Variants in KLF8 observed in about 807,000 individuals in gnomAD.
KLF8 encodes the protein Krueppel-like factor 8.
A neutral mutation model predicts 18.2 loss-of-function variants in KLF8; 10 were observed. That is an observed-to-expected ratio of 0.55 (90% CI 0.34 to 0.93). The LOEUF is 0.93. Ranked by LOEUF, KLF8 falls within the 40% of genes least tolerant of loss-of-function variation. The pLI, the probability that KLF8 is intolerant of heterozygous loss-of-function variation, is 0.02. For synonymous variants in KLF8, 109 were observed against 97.3 expected (o/e 1.12, Z -0.71); for missense variants, 264 against 277.9 (o/e 0.95, Z 0.36).
At chrX:56,093,905 A>ATGTGTGTG in the KLF8 span, among the ~76,000 whole-genome samples, 40 of 89,003 alleles carry the variant, frequency 4.5e-4, no homozygotes, top group Non-Finnish European at 5.4e-4. Context: ...TATATATTAT[A>ATGTGTGTG]TGTGTGTGTG....
the KLF8 span, among the ~76,000 whole-genome samples, chrX:56,186,522 G>C: frequency 9.1e-6 from 1 of 109,900 alleles, no homozygotes; most frequent in Non-Finnish European, 1.9e-5. Context: ...TGCACCAAGC[G>C]GACCTAATAG....
the KLF8 span, among the ~76,000 whole-genome samples, chrX:55,975,058 A>C: frequency 8.9e-6 from 1 of 112,121 alleles, no homozygotes; most frequent in African/African-American, 3.2e-5. Context: ...TAATGAAAAA[A>C]CAATCAGTAT....
At chrX:55,981,115 C>A in the KLF8 span, among the ~76,000 whole-genome samples, 1 of 112,019 alleles carries the variant, frequency 8.9e-6, no homozygotes, top group Non-Finnish European at 1.9e-5. Context: ...ATGGCTTGAA[C>A]CCGGGAGGCG....
intron 3 of KLF8, chrX:56,266,235 G>GTAT (rs1273732694): frequency 2.7e-6 from 2 of 754,086 alleles, no homozygotes; most frequent in East Asian, 3.0e-4. Flanking sequence ...TACTTAGCCA[G>GTAT]TATTAGCTCC....
the KLF8 span, among the ~76,000 whole-genome samples, chrX:55,958,055 T>C: frequency 1.8e-5 from 2 of 112,026 alleles, no homozygotes; most frequent in South Asian, 3.7e-4. Flanking sequence ...TAAAATAAAT[T>C]AGCTTATAAT....
chrX:56,046,961 C>A, the KLF8 span, among the ~76,000 whole-genome samples: 5 of 111,687 alleles, frequency 4.5e-5, no homozygotes, highest in African/African-American at 1.3e-4. Context: ...ATATGTTTTC[C>A]AAACTTTTAG....
intron 1 of KLF8, among the ~76,000 whole-genome samples, chrX:56,234,069 G>GA (rs2066440847): frequency 9.0e-6 from 1 of 110,940 alleles, no homozygotes. Context: ...CTTTTTGTGG[G>GA]CTTTTTTTTT....
At chrX:56,165,498 C>T in the KLF8 span, among the ~76,000 whole-genome samples, 6 of 112,195 alleles carry the variant, frequency 5.3e-5, no homozygotes, top group Admixed American at 1.9e-4. Flanking sequence ...AATATCACCA[C>T]GTTGGTGACT....
At chrX:55,971,957 G>A in the KLF8 span, among the ~76,000 whole-genome samples, 1 of 110,776 alleles carries the variant, frequency 9.0e-6, no homozygotes, top group Non-Finnish European at 1.9e-5. Flanking sequence ...CACTGTTGAT[G>A]GGAATGTAAA....
the KLF8 span, among the ~76,000 whole-genome samples, chrX:55,967,189 G>A: frequency 9.0e-6 from 1 of 111,661 alleles, no homozygotes; most frequent in African/African-American, 3.3e-5. Flanking sequence ...GATGTGGATA[G>A]AGAGTTTATT....
At chrX:56,270,743 A>G (rs1043380890) in intron 5 of KLF8, among the ~76,000 whole-genome samples, 2 of 111,225 alleles carry the variant, frequency 1.8e-5, no homozygotes, top group African/African-American at 6.6e-5. Flanking sequence ...CACAAGAACA[A>G]TTTAAACTAT....
intron 1 of KLF8, 79 bp from the exon 2 acceptor site, chrX:56,250,152 A>G (rs2066684999): frequency 2.9e-6 from 2 of 680,077 alleles, no homozygotes; most frequent in Admixed American, 2.5e-5. Flanking sequence ...TAGAACACAC[A>G]TAACATTAAT....
the KLF8 span, among the ~76,000 whole-genome samples, chrX:55,929,082 T>TA: frequency 2.7e-5 from 3 of 112,673 alleles, no homozygotes; most frequent in Non-Finnish European, 5.6e-5. Flanking sequence ...TGTGAGATGG[T>TA]ATCTCATTGT....
At chrX:56,227,632 G>A (rs1016095128), upstream of KLF8, among the ~76,000 whole-genome samples, 1 of 111,478 alleles carries the variant, frequency 9.0e-6, no homozygotes, top group African/African-American at 3.3e-5. Flanking sequence ...CGTGAGCCAC[G>A]GTGCCCAGCC....
the KLF8 span, among the ~76,000 whole-genome samples, chrX:56,217,312 A>G: frequency 2.7e-5 from 3 of 112,071 alleles, no homozygotes; most frequent in Non-Finnish European, 5.6e-5. Flanking sequence ...TTTTCCTGAT[A>G]GAACCAAATT....
the KLF8 span, among the ~76,000 whole-genome samples, chrX:55,977,509 G>GTA: frequency 9.1e-6 from 1 of 110,266 alleles, no homozygotes; most frequent in Non-Finnish European, 1.9e-5. Context: ...GTGTGTGTGT[G>GTA]TGTGCTCCAC....
chrX:56,127,518 T>C, the KLF8 span, among the ~76,000 whole-genome samples: 1 of 110,170 alleles, frequency 9.1e-6, no homozygotes, highest in Non-Finnish European at 1.9e-5. Context: ...AAAATAATAA[T>C]AACCAGGCAT....
intron 5 of KLF8, among the ~76,000 whole-genome samples, chrX:56,278,340 G>C (rs1404339295): frequency 1.8e-5 from 2 of 110,838 alleles, no homozygotes; most frequent in Admixed American, 1.9e-4. Flanking sequence ...GTTATTCGGG[G>C]ACCAAGGGCT....
chrX:55,944,460 C>T, the KLF8 span, among the ~76,000 whole-genome samples: 1 of 109,432 alleles, frequency 9.1e-6, no homozygotes, highest in African/African-American at 3.3e-5. Flanking sequence ...CCATCTGGTC[C>T]TGGACTCTTT....
Sources: gnomAD v4.1 joint callset for allele counts (sites outside exome capture counted in the v4.1 genomes callset) on GRCh38, gnomAD v4.1.1 for gene constraint, MANE v1.5 for transcripts, NCBI Gene and HGNC (gene_info 2026-07-23, HGNC 2026-07-21) for gene names.